SLCO2B1: variants seen among roughly 807,000 people sequenced by gnomAD.
SLCO2B1 encodes OATP-RP2.
In SLCO2B1, 41 loss-of-function variants were observed where a neutral mutation model predicts 67.3. The ratio of observed to expected loss-of-function variants is 0.61; its 90% CI spans 0.47 to 0.79. SLCO2B1 has a LOEUF of 0.79. Among genes scored for constraint, SLCO2B1 ranks in the 30% least tolerant of loss-of-function variants. The probability of loss-of-function intolerance (pLI) is 0.00; values close to 1 mark genes in which losing one functional copy is unlikely to be tolerated. For synonymous variants in SLCO2B1, 379 were observed against 381.4 expected (o/e 0.99, Z 0.07); for missense variants, 837 against 920.1 (o/e 0.91, Z 1.17).
rs1233577332 is a variant in SLCO2B1, at chr11:75,162,713, A to G, written c.75A>G (p.Thr25=). 20 of 1,542,610 alleles carry G rather than the reference A, an allele frequency of 1.3e-5. No individual in the cohort carries two copies. Among genetic ancestry groups the G allele is most frequent in the Non-Finnish European group, 1.8e-5 (20 of 1,137,808 alleles). The part of the protein sequence containing the change: ...PDKETKATMG[T]ENTPGGKASP... The stretch of plus-strand genomic sequence containing the variant: ...AGGAAACCAAAGCCACAATGGGCAC[A>G]GAAAACACACCTGGAGGCAAAGCCA... The change falls in exon 2 of 14, where the codon ACA becomes ACG. Residue 25 remains threonine, a synonymous_variant. Transcript: ENST00000289575.
intron 9 of SLCO2B1, among the ~76,000 whole-genome samples, chr11:75,195,873 G>C (rs543781991): frequency 6.6e-6 from 1 of 152,156 alleles, no homozygotes; most frequent in Non-Finnish European, 1.5e-5. Flanking sequence ...CTCCCCCTCA[G>C]ACTAAGCCTC....
At chr11:75,168,641 T>A (rs1379443845) in intron 4 of SLCO2B1, among the ~76,000 whole-genome samples, 1 of 152,182 alleles carries the variant, frequency 6.6e-6, no homozygotes, top group Non-Finnish European at 1.5e-5. Flanking sequence ...TGCCCCACCC[T>A]GTTCCACTGT....
chr11:75,162,640 T>C lies in SLCO2B1; in HGVS notation c.17-15T>C. On this transcript the variant is annotated splice_polypyrimidine_tract_variant and intron_variant, in intron 1 of 13. Coordinates refer to ENST00000289575, the MANE Select transcript of SLCO2B1 (RefSeq NM_007256.5). ...GATTCTATCTATTCTCTTTCCCTGG[T>C]TTTCTGTCCCTCAGGGCCAGCGGGT... The C allele has an allele frequency of 6.2e-7, 1 of 1,609,836 alleles. No homozygotes were observed. The highest frequency in any genetic ancestry group is 8.5e-7 in the Non-Finnish European group (1 of 1,178,276).
At position 75,203,406 on chromosome 11, in the gene SLCO2B1, A is replaced by G. The variant is rs1945217022; in HGVS notation, c.1928A>G (p.Asn643Ser). Reference sequence around the variant, plus strand: ...CGTCGAGCTGTCTGTCGCTACTACAATAATGACCTGCTCCGAAACCGGTGA... The same window carrying G: ...CGTCGAGCTGTCTGTCGCTACTACAGTAATGACCTGCTCCGAAACCGGTGA... ...CGRRAVCRYY[N>S]NDLLRNRFIG... The change falls in exon 13 of 14, where the codon AAT becomes AGT. Residue 643 changes from asparagine (N) to serine (S), a missense_variant. Transcript: ENST00000289575. The G allele has an allele frequency of 1.9e-6, 3 of 1,614,148 alleles. No homozygotes were observed. The highest frequency in any genetic ancestry group is 1.7e-6 in the Non-Finnish European group (2 of 1,180,006).
intron 1 of SLCO2B1, among the ~76,000 whole-genome samples, chr11:75,160,342 A>G (rs1949803468): frequency 6.6e-6 from 1 of 152,218 alleles, no homozygotes; most frequent in Non-Finnish European, 1.5e-5. Flanking sequence ...CCTGGGACCA[A>G]TGCTAACCAG....
At chr11:75,154,671 A>G (rs2851071) in intron 1 of SLCO2B1, among the ~76,000 whole-genome samples, 69,063 of 152,102 alleles carry the variant, frequency 0.45, 18,753 homozygotes, top group Non-Finnish European at 0.61. Flanking sequence ...ACAAATCTGT[A>G]CTGAAGGCTC....
Position 75,172,421 on chromosome 11 carries a change from C to G in SLCO2B1, c.824C>G (p.Ala275Gly). ...ATAAAGGACCCCCGATGGGTGGGTG[C>G]CTGGTGGCTGGGTTTCCTCATCGCT... ...LTIKDPRWVG[A>G]WWLGFLIAAG... The change falls in exon 7 of 14, where the codon GCC becomes GGC. Residue 275 changes from alanine to glycine, a missense_variant. Ala to Gly is a moderately conservative substitution (Grantham distance 60). Transcript: ENST00000289575. 1.9e-6 allele frequency: 3 copies of G among 1,614,110 alleles called. No individual in the cohort carries two copies. Among genetic ancestry groups the G allele is most frequent in the Middle Eastern group, 1.7e-4 (1 of 6,060 alleles).
At chr11:75,165,142 A>G (rs972579590) in intron 3 of SLCO2B1, among the ~76,000 whole-genome samples, 1 of 152,164 alleles carries the variant, frequency 6.6e-6, no homozygotes, top group Non-Finnish European at 1.5e-5. Flanking sequence ...TCAAAAGGTC[A>G]AGCCTTGGGC....
intron 10 of SLCO2B1, among the ~76,000 whole-genome samples, chr11:75,198,980 G>A (rs978481528): frequency 6.6e-6 from 1 of 152,180 alleles, no homozygotes; most frequent in Non-Finnish European, 1.5e-5. Context: ...AGTGAAGGGT[G>A]AGGAAAAACC....
At chr11:75,179,321 T>A (rs539394581) in intron 7 of SLCO2B1, among the ~76,000 whole-genome samples, 1 of 134,168 alleles carries the variant, frequency 7.5e-6, no homozygotes, top group African/African-American at 2.8e-5. Flanking sequence ...AACCTCCGCC[T>A]CCGGGGTTCA....
In SLCO2B1 at chr11:75,165,875, T is replaced by C. The variant is rs371587955; in HGVS notation, c.374T>C (p.Val125Ala). 6.2e-6 allele frequency: 10 copies of C among 1,614,192 alleles called. No homozygotes were observed. Among genetic ancestry groups the C allele is most frequent in the Admixed American group, 1.7e-5 (1 of 60,024 alleles). Residue 125 changes from valine to alanine, a missense_variant, in exon 4 of 14, where the codon GTG becomes GCG. By Grantham distance (64) the Val-to-Ala change is moderately conservative (BLOSUM62 0). Transcript: ENST00000289575. Reference sequence around the variant, plus strand: ...ATGATTGGCTATGGGGCTATCCTTGTGGCCCTGGCGGGCCTGCTCATGACT... The same window carrying C: ...ATGATTGGCTATGGGGCTATCCTTGCGGCCCTGGCGGGCCTGCTCATGACT... ...PRMIGYGAIL[V>A]ALAGLLMTLP...
chr11:75,181,310 C>T lies in SLCO2B1; in HGVS notation c.973-6826C>T, dbSNP rs551193673. On this transcript the variant is annotated intron_variant, in intron 7 of 13. Transcript: ENST00000289575. ...ACTTGAACCCGGGAGGTGGAGGTTG[C>T]AGTGAGCCGAGATTGCATCATTGCA... Among the ~76,000 whole-genome samples the T allele has an allele frequency of 3.6e-3, 521 of 144,774 alleles. 8 individuals are homozygous for T. Among genetic ancestry groups the T allele is most frequent in the African/African-American group, 0.013 (503 of 38,856 alleles). The allele number at this position is 144,774 out of a possible 152,430, so 95.0% of individuals were successfully genotyped here. A position where few individuals can be genotyped will look rare whatever the true frequency, so the allele number is the denominator to read the frequency against.
rs1469722445 is a variant in SLCO2B1 at position 75,169,248 on chromosome 11, G to A, written c.524G>A (p.Gly175Asp). ...TSAPASAPSN[G>D]NCSSYTETQH... ...GCCCCAGCCTCGGCCCCCTCCAATG[G>A]CAACTGCTCAAGCTACACAGAAACC... The change falls in exon 5 of 14, where the codon GGC (glycine) becomes GAC (aspartate). Residue 175 changes from glycine (G) to aspartate (D), a missense_variant. Transcript: ENST00000289575. 1.2e-6 allele frequency: 2 copies of A among 1,614,166 alleles called. No homozygotes were observed. The highest frequency in any genetic ancestry group is 4.5e-5 in the East Asian group (2 of 44,878).
intron 7 of SLCO2B1, among the ~76,000 whole-genome samples, chr11:75,184,894 A>C (rs533889267): frequency 1.3e-5 from 2 of 152,184 alleles, no homozygotes; most frequent in East Asian, 1.9e-4. Flanking sequence ...GAATCTTCTC[A>C]AGGGACTCAA....
At position 75,203,291 on chromosome 11, in the gene SLCO2B1, G is replaced by A; in HGVS notation, c.1829-16G>A. The A allele has an allele frequency of 1.9e-6, 3 of 1,611,732 alleles. No individual in the cohort carries two copies. Among genetic ancestry groups the A allele is most frequent in the Non-Finnish European group, 2.5e-6 (3 of 1,179,832 alleles). ...ACGGTGGGCCTTCATTGTCCCCTGA[G>A]CACCACCTCCCTCAGCCTGGATGCC... is the stretch of plus-strand genomic sequence containing the variant. On this transcript the variant is annotated splice_polypyrimidine_tract_variant and intron_variant, in intron 12 of 13. Coordinates refer to ENST00000289575, the MANE Select transcript of SLCO2B1 (RefSeq NM_007256.5).
intron 7 of SLCO2B1, among the ~76,000 whole-genome samples, chr11:75,175,086 C>G (rs1241589852): frequency 1.3e-5 from 2 of 152,198 alleles, no homozygotes; most frequent in East Asian, 3.8e-4. Context: ...AGCTGTGAAC[C>G]TGTCTGGCTG....
At position 75,194,666 on chromosome 11, in the gene SLCO2B1, G is replaced by C. The variant is rs11236371; in HGVS notation, c.1433+1091G>C. Among the ~76,000 whole-genome samples the C allele has an allele frequency of 1.2e-3, 186 of 152,282 alleles. 3 individuals carry two copies. The East Asian group carries it at 0.034, about 28-fold the overall frequency. Reference sequence around the variant, plus strand: ...CCTTGTTCTAGGCACTGCAGCGGGGGTTTAGCCACCTCCTCAGGAAGTCCC... The same window carrying C: ...CCTTGTTCTAGGCACTGCAGCGGGGCTTTAGCCACCTCCTCAGGAAGTCCC... On this transcript the variant is annotated intron_variant, in intron 9 of 13. Coordinates refer to ENST00000289575, the MANE Select transcript of SLCO2B1 (RefSeq NM_007256.5).
At chr11:75,173,574 G>C (rs1013024538) in intron 7 of SLCO2B1, among the ~76,000 whole-genome samples, 2 of 152,080 alleles carry the variant, frequency 1.3e-5, no homozygotes, top group Non-Finnish European at 2.9e-5. Flanking sequence ...CTCTGCTCTT[G>C]GGGCAGGTGG....
chr11:75,153,913 T>C (rs73486594), intron 1 of SLCO2B1, among the ~76,000 whole-genome samples: 2,426 of 149,396 alleles, frequency 0.016, 71 homozygotes, highest in African/African-American at 0.054. Flanking sequence ...ACCCCAATCA[T>C]GTGTACAGTA....
Sources: gnomAD v4.1 joint callset for allele counts (sites outside exome capture counted in the v4.1 genomes callset) on GRCh38, gnomAD v4.1.1 for gene constraint, MANE v1.5 for transcripts, NCBI Gene and HGNC (gene_info 2026-07-23, HGNC 2026-07-21) for gene names.